KCNG2: variants seen among roughly 807,000 people sequenced by gnomAD.
The protein encoded by KCNG2 is voltage-gated potassium channel regulatory subunit KCNG2.
A neutral mutation model predicts 12.3 loss-of-function variants in KCNG2; 7 were observed. The observed-to-expected ratio is 0.57, with a 90% CI of 0.32 to 1.07. The LOEUF is 1.07. KCNG2 is among the 50% of genes least tolerant of loss of function. The pLI is 0.04. For synonymous variants in KCNG2, 414 were observed against 351.4 expected (o/e 1.18, Z -1.99); for missense variants, 703 against 726.0 (o/e 0.97, Z 0.36).
chr18:79,898,285 C>T (rs1177736650), intron 3 of KCNG2, among the ~76,000 whole-genome samples: 1 of 152,214 alleles, frequency 6.6e-6, no homozygotes, highest in African/African-American at 2.4e-5. Context: ...GTGTGAATGA[C>T]ACCCTCCCTC....
chr18:79,829,202 G>T (rs1213249098), intron 1 of KCNG2, among the ~76,000 whole-genome samples: 1 of 149,874 alleles, frequency 6.7e-6, no homozygotes, highest in South Asian at 2.1e-4. Flanking sequence ...CTGTGTGTGG[G>T]TGTCTATGTG....
chr18:79,846,950 C>T (rs528609913), intron 1 of KCNG2, among the ~76,000 whole-genome samples: 35 of 151,064 alleles, frequency 2.3e-4, no homozygotes, highest in Non-Finnish European at 4.6e-4. Context: ...TCATTTCCTG[C>T]AAACGAACTC....
At chr18:79,813,495 T>C (rs2087507099) in intron 1 of KCNG2, among the ~76,000 whole-genome samples, 1 of 152,212 alleles carries the variant, frequency 6.6e-6, no homozygotes, top group African/African-American at 2.4e-5. Flanking sequence ...AATCCACATC[T>C]GAAGCCTTTT....
At chr18:79,873,527 T>C (rs1385230747) in intron 3 of KCNG2, among the ~76,000 whole-genome samples, 1 of 150,646 alleles carries the variant, frequency 6.6e-6, no homozygotes, top group African/African-American at 2.4e-5. Flanking sequence ...TATGCAGCTG[T>C]GAGGGGCGTC....
intron 3 of KCNG2, among the ~76,000 whole-genome samples, chr18:79,883,208 G>A (rs992420450): frequency 1.4e-4 from 22 of 152,308 alleles, no homozygotes; most frequent in South Asian, 4.1e-4. Flanking sequence ...TCCCGTCTAT[G>A]GGATACCTGG....
At chr18:79,832,558 ACT>A (rs532581553) in intron 1 of KCNG2, among the ~76,000 whole-genome samples, 1 of 148,612 alleles carries the variant, frequency 6.7e-6, no homozygotes, top group Non-Finnish European at 1.5e-5. Context: ...TCTTCTCCCC[ACT>A]CTCTTGCTGT....
At chr18:79,880,666 G>A (rs567865845) in intron 3 of KCNG2, among the ~76,000 whole-genome samples, 4 of 152,278 alleles carry the variant, frequency 2.6e-5, no homozygotes, top group Non-Finnish European at 4.4e-5. Flanking sequence ...ACAAAGACCA[G>A]TGTCTCCCAT....
chr18:79,818,981 G>A (rs1470979323), intron 1 of KCNG2, among the ~76,000 whole-genome samples: 2 of 152,246 alleles, frequency 1.3e-5, no homozygotes, highest in African/African-American at 2.4e-5. Context: ...TCGACACAGT[G>A]CCCAGTTCTG....
chr18:79,819,251 G>A lies in KCNG2; in HGVS notation c.-115+21237G>A, dbSNP rs1008904887. On this transcript the variant is annotated intron_variant, in intron 1 of 3. Coordinates refer to ENST00000316249, the MANE Select transcript of KCNG2 (RefSeq NM_012283.2). ...CAGAGACACCAGGCAGGCCCTACCC[G>A]GGTGCAGCCCAGGACACCACGGAGC... Among the ~76,000 whole-genome samples the A allele has an allele frequency of 3.9e-5, 6 of 152,302 alleles. 1 individual carries two copies. The highest frequency in any genetic ancestry group is 6.8e-3 in the Middle Eastern group (2 of 294).
chr18:79,854,435 C>A (rs749966971), intron 1 of KCNG2, among the ~76,000 whole-genome samples: 1 of 152,138 alleles, frequency 6.6e-6, no homozygotes, highest in Non-Finnish European at 1.5e-5. Context: ...CCCAGGGGTG[C>A]ACGATTCCTC....
intron 1 of KCNG2, among the ~76,000 whole-genome samples, chr18:79,807,671 C>T (rs1464787852): frequency 6.6e-6 from 1 of 152,210 alleles, no homozygotes; most frequent in Non-Finnish European, 1.5e-5. Context: ...AGCTGTGAAG[C>T]CCCCACCTCA....
chr18:79,802,558 G>C (rs1354842500), intron 1 of KCNG2, among the ~76,000 whole-genome samples: 1 of 152,212 alleles, frequency 6.6e-6, no homozygotes, highest in Non-Finnish European at 1.5e-5. Context: ...GCAGACACTT[G>C]GCTGGCTCCC....
rs1207906021 is a variant in KCNG2, at chr18:79,800,084, G to A, written c.-115+2070G>A. On this transcript the variant is annotated intron_variant, in intron 1 of 3. Coordinates refer to ENST00000316249, the MANE Select transcript of KCNG2 (RefSeq NM_012283.2). The surrounding 1 kb of genome is among the most constrained non-coding windows in gnomAD (Gnocchi z 4.0). ...GTGGGTCTCAGGCAGGCACCTGGAGGGCAGCGCGAACGGAGGGCTGTTTGT... is the reference window on the plus strand; with the variant it reads ...GTGGGTCTCAGGCAGGCACCTGGAGAGCAGCGCGAACGGAGGGCTGTTTGT... 6.6e-6 allele frequency among the ~76,000 whole-genome samples: 1 copy of A among 152,308 alleles called. No individual in the cohort carries two copies. The highest frequency in any genetic ancestry group is 2.4e-5 in the African/African-American group (1 of 41,574).
At chr18:79,897,393 C>T (rs570624722) in intron 3 of KCNG2, among the ~76,000 whole-genome samples, 1 of 152,262 alleles carries the variant, frequency 6.6e-6, no homozygotes, top group Admixed American at 6.5e-5. Context: ...AATTATTGCA[C>T]TTTTCAATTC....
rs1463533409 is a variant in KCNG2 at position 79,801,889 on chromosome 18, C to T, written c.-115+3875C>T. ...CTCGCATGGAGGGATTCATTGCCCG[C>T]GTTTCTCATCACACTCATCACCTGG... On this transcript the variant is annotated intron_variant, in intron 1 of 3. Coordinates refer to ENST00000316249, the MANE Select transcript of KCNG2 (RefSeq NM_012283.2). 5.9e-5 allele frequency among the ~76,000 whole-genome samples: 9 copies of T among 152,322 alleles called. No homozygotes were observed. The South Asian group carries it at 1.5e-3, about 25-fold the overall frequency.
chr18:79,873,424 C>A (rs1028312538), intron 3 of KCNG2, among the ~76,000 whole-genome samples: 1 of 132,418 alleles, frequency 7.6e-6, no homozygotes, highest in African/African-American at 2.7e-5. Flanking sequence ...TGCCGGCCCC[C>A]CTCCCCCCCC....
chr18:79,799,685 T>C (rs1299756885), intron 1 of KCNG2, among the ~76,000 whole-genome samples: 1 of 152,216 alleles, frequency 6.6e-6, no homozygotes, highest in Non-Finnish European at 1.5e-5. Flanking sequence ...AATTGGTGTT[T>C]TTGTAGGCAT....
At chr18:79,881,807 A>C (rs1381922602) in intron 3 of KCNG2, among the ~76,000 whole-genome samples, 1 of 152,232 alleles carries the variant, frequency 6.6e-6, no homozygotes, top group Non-Finnish European at 1.5e-5. Context: ...GTTGGAACTG[A>C]CACTGCCTGC....
chr18:79,872,616 C>G (rs1193847571), intron 3 of KCNG2, among the ~76,000 whole-genome samples: 1 of 152,144 alleles, frequency 6.6e-6, no homozygotes, highest in Non-Finnish European at 1.5e-5. Context: ...TCCCAGGTCT[C>G]CGGTCTCTCT....
Sources: gnomAD v4.1 joint callset for allele counts (sites outside exome capture counted in the v4.1 genomes callset) on GRCh38, gnomAD v4.1.1 for gene constraint, Gnocchi (gnomAD v3.1) non-coding constraint, MANE v1.5 for transcripts, NCBI Gene and HGNC (gene_info 2026-07-23, HGNC 2026-07-21) for gene names.